The following MEF2A variants were observed in gnomAD, a reference collection of about 807,000 sequenced individuals.
The protein encoded by MEF2A is myocyte-specific enhancer factor 2A.
In MEF2A, 28 loss-of-function variants were observed where a neutral mutation model predicts 55.8. That is an observed-to-expected ratio of 0.50 (90% CI 0.37 to 0.69). MEF2A has a LOEUF of 0.69. Among genes scored for constraint, MEF2A ranks in the 30% least tolerant of loss-of-function variants. The probability of loss-of-function intolerance (pLI) is 0.00; values close to 1 mark genes in which losing one functional copy is unlikely to be tolerated. For missense variants in MEF2A, 528 were observed against 626.2 expected (o/e 0.84, Z 1.67); for synonymous variants, 239 against 227.1 (o/e 1.05, Z -0.47).
rs1005277986 is a variant in MEF2A at position 99,715,226 on chromosome 15, G to A, written c.*2455G>A. On this transcript the variant is annotated 3_prime_UTR_variant, in exon 12 of 12. Transcript: ENST00000557942. Reference sequence around the variant, plus strand: ...TTTGAAAGTGTTAAGTGATTCCTTCGTTATTATTTATGCATGTTCATGAAC... The same window carrying A: ...TTTGAAAGTGTTAAGTGATTCCTTCATTATTATTTATGCATGTTCATGAAC... 3.3e-5 allele frequency: 5 copies of A among 152,056 alleles called. No homozygotes were observed. Among genetic ancestry groups the A allele is most frequent in the East Asian group, 1.9e-4 (1 of 5,202 alleles). The allele number at this position is 152,056 out of a possible 1,614,324, so 9.4% of individuals were successfully genotyped here.
At chr15:99,584,267 A>T (rs1451770607) in intron 1 of MEF2A, among the ~76,000 whole-genome samples, 1 of 152,128 alleles carries the variant, frequency 6.6e-6, no homozygotes, top group Non-Finnish European at 1.5e-5. Flanking sequence ...TATGGAGAAG[A>T]TGTTAGATAC....
chr15:99,637,734 C>T (rs2044137943), intron 3 of MEF2A, among the ~76,000 whole-genome samples: 3 of 152,164 alleles, frequency 2.0e-5, no homozygotes, highest in Non-Finnish European at 4.4e-5. Flanking sequence ...GCTCCGCCTC[C>T]CGGGTTCGTG....
chr15:99,708,877 C>T (rs574741723), intron 10 of MEF2A, among the ~76,000 whole-genome samples: 8 of 152,028 alleles, frequency 5.3e-5, no homozygotes, highest in East Asian at 1.9e-4. Context: ...AGTTTGCGGG[C>T]GGGACGGGGC....
intron 1 of MEF2A, among the ~76,000 whole-genome samples, chr15:99,573,105 A>G (rs971723573): frequency 7.9e-5 from 12 of 152,128 alleles, no homozygotes; most frequent in Non-Finnish European, 1.5e-4. Context: ...TGGCTAACAC[A>G]GTGAAACCCC....
intron 2 of MEF2A, among the ~76,000 whole-genome samples, chr15:99,628,868 C>G (rs574632967): frequency 1.2e-4 from 18 of 151,844 alleles, no homozygotes; most frequent in African/African-American, 4.3e-4. Context: ...GTTCTTTTTT[C>G]TTTATACTTG....
intron 4 of MEF2A, among the ~76,000 whole-genome samples, chr15:99,660,520 G>A (rs888999355): frequency 2.6e-5 from 4 of 152,098 alleles, no homozygotes; most frequent in African/African-American, 9.7e-5. Flanking sequence ...GCTAAGAATG[G>A]GAACCCTGAG....
chr15:99,690,103 G>A lies in MEF2A; in HGVS notation c.671-138G>A, dbSNP rs80301859. On this transcript the variant is annotated intron_variant, in intron 7 of 11. Coordinates refer to ENST00000557942, the MANE Select transcript of MEF2A (RefSeq NM_001319206.4). ...AAACACTTCTGGTCCCAAGCATTTC[G>A]GACAAGGGATACTCAAACCTGTAGT... 15 of 765,700 alleles carry A rather than the reference G, an allele frequency of 2.0e-5. 1 individual carries two copies. The highest frequency in any genetic ancestry group is 1.9e-4 in the South Asian group (10 of 53,094). 47.4% of individuals were successfully genotyped at this position (765,700 alleles called of 1,614,324 possible).
At chr15:99,668,759 T>C (rs1266531732) in intron 4 of MEF2A, among the ~76,000 whole-genome samples, 1 of 152,240 alleles carries the variant, frequency 6.6e-6, no homozygotes, top group East Asian at 1.9e-4. Flanking sequence ...CTGGCCTTCT[T>C]AATAGATTAC....
intron 3 of MEF2A, among the ~76,000 whole-genome samples, chr15:99,639,850 A>G (rs1211720598): frequency 6.6e-6 from 1 of 151,340 alleles, no homozygotes; most frequent in East Asian, 1.9e-4. Context: ...TGGTTTGCTT[A>G]TTTTGTGCTG....
At chr15:99,611,493 A>G (rs1374791513) in intron 2 of MEF2A, among the ~76,000 whole-genome samples, 2 of 152,206 alleles carry the variant, frequency 1.3e-5, no homozygotes, top group Non-Finnish European at 2.9e-5. Context: ...CACACCCACC[A>G]TGATGGCATA....
chr15:99,615,422 A>G (rs2040026664), intron 2 of MEF2A, among the ~76,000 whole-genome samples: 1 of 152,172 alleles, frequency 6.6e-6, no homozygotes, highest in Non-Finnish European at 1.5e-5. Flanking sequence ...GTATTGCATT[A>G]TTTTACAGTT....
chr15:99,690,922 G>A (rs954868575), intron 8 of MEF2A, among the ~76,000 whole-genome samples: 2 of 152,186 alleles, frequency 1.3e-5, no homozygotes, highest in African/African-American at 4.8e-5. Context: ...CAACATTGCA[G>A]ATGGAGTATA....
intron 4 of MEF2A, among the ~76,000 whole-genome samples, chr15:99,653,147 C>G (rs1478941593): frequency 6.6e-6 from 1 of 152,154 alleles, no homozygotes; most frequent in Admixed American, 6.5e-5. Flanking sequence ...TAGGTGCTTC[C>G]CGTGTTTCTC....
intron 2 of MEF2A, among the ~76,000 whole-genome samples, chr15:99,616,771 G>A (rs561438119): frequency 1.3e-5 from 2 of 152,208 alleles, no homozygotes; most frequent in East Asian, 3.9e-4. Context: ...TATCTGTAAA[G>A]TAATGTTATA....
At position 99,690,297 on chromosome 15, in the gene MEF2A, A is replaced by G. The variant is rs750276293; in HGVS notation, c.727A>G (p.Asn243Asp). 2.1e-5 allele frequency: 34 copies of G among 1,613,672 alleles called. No individual in the cohort carries two copies. Among genetic ancestry groups the G allele is most frequent in the African/African-American group, 2.7e-5 (2 of 74,926 alleles). The change falls in exon 8 of 12, where the codon AAT becomes GAT. Residue 243 changes from asparagine to aspartate, a missense_variant. Asn to Asp is a conservative substitution (Grantham distance 23). Coordinates refer to ENST00000557942, the MANE Select transcript of MEF2A (RefSeq NM_001319206.4). ...SPNLIGATGANSLGKVMPTKS... is the reference protein window; with the variant it reads ...SPNLIGATGADSLGKVMPTKS... ...AAATTTGATTGGAGCTACTGGTGCA[A>G]ATAGCTTAGGCAAAGTCATGCCTAC...
At chr15:99,636,813 A>G (rs1461781083) in intron 3 of MEF2A, among the ~76,000 whole-genome samples, 1 of 144,152 alleles carries the variant, frequency 6.9e-6, no homozygotes, top group Non-Finnish European at 1.5e-5. Context: ...CTTTTTTTTT[A>G]ACCTTTCATG....
chr15:99,670,952 A>AG (rs1049397882), intron 4 of MEF2A, among the ~76,000 whole-genome samples: 3 of 152,230 alleles, frequency 2.0e-5, no homozygotes, highest in African/African-American at 7.2e-5. Context: ...AACTTCTCAA[A>AG]GCATCATTTT....
At chr15:99,665,556 G>T (rs772881661) in intron 4 of MEF2A, among the ~76,000 whole-genome samples, 2 of 151,792 alleles carry the variant, frequency 1.3e-5, no homozygotes, top group African/African-American at 4.8e-5. Flanking sequence ...CAAAAACAAT[G>T]GCAACAAAAG....
intron 1 of MEF2A, among the ~76,000 whole-genome samples, chr15:99,580,849 T>C (rs1314588055): frequency 6.6e-6 from 1 of 152,214 alleles, no homozygotes; most frequent in Non-Finnish European, 1.5e-5. Context: ...CCTCTTTATA[T>C]ATTTATTCTA....
Sources: gnomAD v4.1 joint callset for allele counts (sites outside exome capture counted in the v4.1 genomes callset) on GRCh38, gnomAD v4.1.1 for gene constraint, MANE v1.5 for transcripts, NCBI Gene and HGNC (gene_info 2026-07-23, HGNC 2026-07-21) for gene names.